The following IFT80 variants were observed in gnomAD, a reference collection of about 807,000 sequenced individuals.
IFT80 encodes the protein intraflagellar transport protein 80 homolog.
Under a neutral mutation model 107.9 loss-of-function variants are expected in IFT80, and 79 were observed. The ratio of observed to expected loss-of-function variants is 0.73; its 90% CI spans 0.61 to 0.88. IFT80 has a LOEUF of 0.88. Among genes scored for constraint, IFT80 ranks in the 40% least tolerant of loss-of-function variants. The pLI is 0.00. For missense variants in IFT80, 797 were observed against 914.2 expected (o/e 0.87, Z 1.65); for synonymous variants, 299 against 300.9 (o/e 0.99, Z 0.07).
intron 9 of IFT80, among the ~76,000 whole-genome samples, chr3:160,311,040 G>C (rs1258777326): frequency 6.6e-6 from 1 of 152,116 alleles, no homozygotes; most frequent in Non-Finnish European, 1.5e-5. Flanking sequence ...TGGGAGGATC[G>C]TTTGAGCTTG....
At chr3:160,292,218 A>G (rs970469490) in intron 12 of IFT80, among the ~76,000 whole-genome samples, 1 of 152,210 alleles carries the variant, frequency 6.6e-6, no homozygotes, top group African/African-American at 2.4e-5. Flanking sequence ...CCAGCAGAGA[A>G]CATAATGCAT....
chr3:160,320,152 T>A (rs1203233494), intron 8 of IFT80: 1 of 511,462 alleles, frequency 2.0e-6, no homozygotes. Context: ...AAACAGTGTA[T>A]GAAATATCTC....
At chr3:160,377,321 T>C in intron 4 of IFT80, 109 bp downstream of exon 4, 2 of 697,646 alleles carry the variant, frequency 2.9e-6, no homozygotes, top group Non-Finnish European at 5.2e-6. Context: ...ATGCCAATTA[T>C]TTGCTATTAC....
At chr3:160,312,798 TAAA>T (rs1304737107) in intron 9 of IFT80, among the ~76,000 whole-genome samples, 1 of 44,348 alleles carries the variant, frequency 2.3e-5, no homozygotes, top group African/African-American at 8.3e-5. Context: ...ATATATATAA[TAAA>T]TGTATATTAT....
At chr3:160,387,319 C>T (rs775278325) in intron 1 of IFT80, among the ~76,000 whole-genome samples, 17 of 152,098 alleles carry the variant, frequency 1.1e-4, no homozygotes, top group Non-Finnish European at 2.2e-4. Context: ...GCCTGACCAA[C>T]GTGGTGAAAC....
At chr3:160,344,927 AAGAC>A (rs1300317675) in intron 8 of IFT80, among the ~76,000 whole-genome samples, 1 of 152,192 alleles carries the variant, frequency 6.6e-6, no homozygotes, top group Admixed American at 6.5e-5. Context: ...TTGTATCTAA[AAGAC>A]AGGCAATAAC....
At chr3:160,326,525 T>G (rs888986003) in intron 8 of IFT80, among the ~76,000 whole-genome samples, 3 of 152,000 alleles carry the variant, frequency 2.0e-5, no homozygotes, top group African/African-American at 7.2e-5. Context: ...TCAACATACA[T>G]GAATCAATAA....
intron 12 of IFT80, among the ~76,000 whole-genome samples, chr3:160,298,087 TAATC>T (rs1249135967): frequency 2.0e-5 from 3 of 152,126 alleles, no homozygotes; most frequent in Non-Finnish European, 4.4e-5. Flanking sequence ...CTCTAGTACT[TAATC>T]AATCACCAAA....
intron 19 of IFT80, among the ~76,000 whole-genome samples, chr3:160,259,335 C>T (rs975734717): frequency 6.6e-6 from 1 of 152,102 alleles, no homozygotes; most frequent in Admixed American, 6.5e-5. Context: ...CGCTGTCTTC[C>T]AAACGAGGAA....
At chr3:160,258,725 T>A in intron 19 of IFT80, 90 bp from the exon 20 acceptor site, 1 of 1,434,138 alleles carries the variant, frequency 7.0e-7, no homozygotes, top group Admixed American at 2.0e-5. Context: ...ACAGATAGAC[T>A]GTGTGACTTC....
intron 18 of IFT80, chr3:160,268,868 C>T (rs1401310547): frequency 2.5e-5 from 7 of 276,114 alleles, no homozygotes; most frequent in Non-Finnish European, 4.9e-5. Flanking sequence ...AGCCAATACA[C>T]TTATTGAAGG....
intron 7 of IFT80, among the ~76,000 whole-genome samples, chr3:160,356,450 A>G (rs1446013165): frequency 1.3e-5 from 2 of 152,224 alleles, no homozygotes; most frequent in African/African-American, 4.8e-5. Flanking sequence ...ATCTCTGAAC[A>G]TAAAATCTAC....
At chr3:160,304,435 C>CTTTTTT (rs869204306) in intron 10 of IFT80, among the ~76,000 whole-genome samples, 13 of 129,154 alleles carry the variant, frequency 1.0e-4, no homozygotes, top group Non-Finnish European at 1.2e-4. Context: ...TTGATTTTTT[C>CTTTTTT]TTTTTTTTTT....
chr3:160,261,666 T>G (rs1181386261), intron 19 of IFT80, among the ~76,000 whole-genome samples: 3 of 150,872 alleles, frequency 2.0e-5, no homozygotes, highest in Admixed American at 6.6e-5. Flanking sequence ...CTGGGCTTGG[T>G]GGCATTCATC....
At chr3:160,394,218 G>T (rs1044375904) in intron 1 of IFT80, 20 of 152,260 alleles carry the variant, frequency 1.3e-4, no homozygotes, top group African/African-American at 4.6e-4. Context: ...TTTATCAGGG[G>T]TGTCCAATCT....
chr3:160,392,432 G>C (rs1444443313), intron 1 of IFT80, among the ~76,000 whole-genome samples: 2 of 152,078 alleles, frequency 1.3e-5, no homozygotes, highest in Non-Finnish European at 2.9e-5. Context: ...ATGTCTAACA[G>C]ACATTTCAAA....
At chr3:160,315,364 G>A (rs1717738740) in intron 9 of IFT80, among the ~76,000 whole-genome samples, 1 of 152,164 alleles carries the variant, frequency 6.6e-6, no homozygotes, top group African/African-American at 2.4e-5. Context: ...AATTTACATT[G>A]TTAGGGTGAA....
chr3:160,395,618 T>C (rs1713713876), intron 1 of IFT80, among the ~76,000 whole-genome samples: 1 of 152,176 alleles, frequency 6.6e-6, no homozygotes, highest in Non-Finnish European at 1.5e-5. Flanking sequence ...CCCTTGGATT[T>C]TAATTTTAGA....
chr3:160,388,562 A>G (rs997009310), intron 1 of IFT80, among the ~76,000 whole-genome samples: 33 of 148,960 alleles, frequency 2.2e-4, no homozygotes, highest in African/African-American at 7.8e-4. Flanking sequence ...AAATATACAT[A>G]TTATATTATT....
Sources: allele counts gnomAD v4.1 joint callset (sites outside exome capture counted in the v4.1 genomes callset), GRCh38; gene constraint gnomAD v4.1.1; transcripts MANE v1.5; gene names NCBI Gene and HGNC (gene_info 2026-07-23, HGNC 2026-07-21).